Variants in PLCG2 observed in about 807,000 individuals in gnomAD.
PLCG2 encodes phospholipase C gamma 2, also known as 1-phosphatidylinositol 4,5-bisphosphate phosphodiesterase gamma-2.
PLCG2 carries 69 observed loss-of-function variants against 175.6 expected under a neutral mutation model. The ratio of observed to expected loss-of-function variants is 0.39; its 90% CI spans 0.32 to 0.48. PLCG2 has a LOEUF of 0.48. PLCG2 is among the 20% of genes least tolerant of loss of function. PLCG2 has a pLI of 0.91. For missense variants in PLCG2, 1,798 were observed against 1,650.9 expected (o/e 1.09, Z -1.54); for synonymous variants, 827 against 624.0 (o/e 1.33, Z -4.85).
chr16:81,783,833 T>C (rs1374010812), intron 1 of PLCG2, among the ~76,000 whole-genome samples: 1 of 62,574 alleles, frequency 1.6e-5, no homozygotes, highest in African/African-American at 5.2e-5. Flanking sequence ...CTCAGCAGGG[T>C]TTTTTTTTAG....
At chr16:81,773,809 T>C (rs191461278) in intron 2 of PLCG2, among the ~76,000 whole-genome samples, 138 of 152,250 alleles carry the variant, frequency 9.1e-4, no homozygotes, top group African/African-American at 3.2e-3. Flanking sequence ...CTGCAAATGC[T>C]GTGCAGAGCT....
intron 5 of PLCG2, among the ~76,000 whole-genome samples, chr16:81,863,075 C>T (rs928137099): frequency 3.9e-5 from 6 of 152,048 alleles, no homozygotes; most frequent in South Asian, 2.1e-4. Context: ...TCATTTTAAC[C>T]GTTCTTAGAT....
At chr16:81,813,604 A>C (rs113963924) in intron 2 of PLCG2, among the ~76,000 whole-genome samples, 98 of 152,362 alleles carry the variant, frequency 6.4e-4, no homozygotes, top group African/African-American at 2.3e-3. Flanking sequence ...TAAAACAACA[A>C]TTCTGTGGGT....
chr16:81,796,699 G>C (rs1200288294), intron 2 of PLCG2, among the ~76,000 whole-genome samples: 2 of 152,158 alleles, frequency 1.3e-5, no homozygotes, highest in Admixed American at 6.5e-5. Flanking sequence ...AGAGGAGAGA[G>C]AGACACAGGG....
intron 31 of PLCG2, among the ~76,000 whole-genome samples, chr16:81,950,732 A>C (rs1277802742): frequency 6.6e-6 from 1 of 152,238 alleles, no homozygotes; most frequent in Non-Finnish European, 1.5e-5. Flanking sequence ...TGAAGATAAT[A>C]ATTTTCTAAA....
At chr16:81,779,591 C>T (rs2143144226) in intron 1 of PLCG2, among the ~76,000 whole-genome samples, 167 bp downstream of exon 1, 1 of 152,150 alleles carries the variant, frequency 6.6e-6, no homozygotes, top group Non-Finnish European at 1.5e-5. Flanking sequence ...TGCCCGGGGT[C>T]CGTTTGGTGA....
chr16:81,800,922 A>T (rs1911691183), intron 2 of PLCG2, among the ~76,000 whole-genome samples: 1 of 152,150 alleles, frequency 6.6e-6, no homozygotes, highest in African/African-American at 2.4e-5. Flanking sequence ...GTGAGACTGG[A>T]AGATGGCACC....
At chr16:81,829,588 A>C (rs1367766579) in intron 2 of PLCG2, among the ~76,000 whole-genome samples, 2 of 152,246 alleles carry the variant, frequency 1.3e-5, no homozygotes, top group Non-Finnish European at 2.9e-5. Context: ...CATCGCTATC[A>C]AAGTTCCAGA....
intron 2 of PLCG2, among the ~76,000 whole-genome samples, chr16:81,820,328 A>C (rs530857716): frequency 1.3e-5 from 2 of 151,314 alleles, no homozygotes; most frequent in South Asian, 4.2e-4. Context: ...CCTCCCCAGC[A>C]TGCACACTCC....
chr16:81,857,382 C>T (rs1906738876), intron 3 of PLCG2, among the ~76,000 whole-genome samples: 1 of 152,158 alleles, frequency 6.6e-6, no homozygotes. Context: ...ATAATGGATT[C>T]TTGTTTAAAA....
chr16:81,902,920 G>A (rs759961544), intron 14 of PLCG2, among the ~76,000 whole-genome samples: 1 of 152,178 alleles, frequency 6.6e-6, no homozygotes, highest in Non-Finnish European at 1.5e-5. Flanking sequence ...GATCTCATGA[G>A]ATGTGTTCAC....
chr16:81,865,683 C>G (rs928650266), intron 5 of PLCG2, among the ~76,000 whole-genome samples: 5 of 152,140 alleles, frequency 3.3e-5, no homozygotes, highest in Non-Finnish European at 7.4e-5. Flanking sequence ...CCAGGATGGG[C>G]TCCACTGGGG....
At chr16:81,924,704 T>C (rs1910191731) in intron 22 of PLCG2, among the ~76,000 whole-genome samples, 1 of 152,242 alleles carries the variant, frequency 6.6e-6, no homozygotes, top group Non-Finnish European at 1.5e-5. Flanking sequence ...AATTCATACC[T>C]AGATTCCACA....
Position 81,936,246 on chromosome 16 carries a change from C to G in PLCG2, c.2920C>G (p.Leu974Val), listed in dbSNP as rs1239554317. The change falls in exon 27 of 33, where the codon CTC becomes GTC. Residue 974 changes from leucine to valine, a missense_variant. Coordinates refer to ENST00000564138, the MANE Select transcript of PLCG2 (RefSeq NM_002661.5). ...DSIIRQKPVDLLKYNQKGLTR... is the reference protein window; with the variant it reads ...DSIIRQKPVDVLKYNQKGLTR... Reference sequence around the variant, plus strand: ...CATCATCAGACAGAAGCCCGTCGACCTCCTGAAGTACAATCAAAAGGGCCT... The same window carrying G: ...CATCATCAGACAGAAGCCCGTCGACGTCCTGAAGTACAATCAAAAGGGCCT... 1 of 1,614,160 alleles carries G rather than the reference C, an allele frequency of 6.2e-7. No individual in the cohort carries two copies. Among genetic ancestry groups the G allele is most frequent in the Non-Finnish European group, 8.5e-7 (1 of 1,180,024 alleles).
At chr16:81,847,118 A>G (rs1906161568) in intron 2 of PLCG2, among the ~76,000 whole-genome samples, 1 of 152,158 alleles carries the variant, frequency 6.6e-6, no homozygotes, top group Non-Finnish European at 1.5e-5. Context: ...CCAATAACCC[A>G]CTCCTTGGAT....
chr16:81,772,504 A>G (rs1286627001), intron 2 of PLCG2, among the ~76,000 whole-genome samples: 2 of 152,094 alleles, frequency 1.3e-5, no homozygotes, highest in Non-Finnish European at 2.9e-5. Flanking sequence ...ATAAGGGCTC[A>G]GTGTTTGTCC....
chr16:81,745,396 C>G (rs1320030217), intron 1 of PLCG2, among the ~76,000 whole-genome samples: 1 of 152,168 alleles, frequency 6.6e-6, no homozygotes, highest in African/African-American at 2.4e-5. Context: ...TTTGACCATC[C>G]TCTGCCTTTC....
chr16:81,850,731 G>A (rs7201604), intron 2 of PLCG2, among the ~76,000 whole-genome samples: 53,225 of 151,936 alleles, frequency 0.35, 9,648 homozygotes, highest in Middle Eastern at 0.47. Context: ...CCTGCACAGT[G>A]TAACAGCATA....
In PLCG2 at chr16:81,742,064, C is replaced by T. The variant is rs1463529932; in HGVS notation, c.-145+2679C>T. ...CCTCCCCTTCCCAGCCTCCAGTATT[C>T]AAAATTCTACTCGCTTCCTCCATGT... On this transcript the variant is annotated intron_variant, in intron 1 of 5. Transcript: ENST00000565054. Among the ~76,000 whole-genome samples the T allele has an allele frequency of 4.2e-5, 6 of 143,718 alleles. No individual in the cohort carries two copies. The Admixed American group carries it at 4.4e-4, about 11-fold the overall frequency. The allele number at this position is 143,718 out of a possible 152,430, so 94.3% of individuals were successfully genotyped here. A position where few individuals can be genotyped will look rare whatever the true frequency, so the allele number is the denominator to read the frequency against.
Sources: gnomAD v4.1 joint callset for allele counts (sites outside exome capture counted in the v4.1 genomes callset) on GRCh38, gnomAD v4.1.1 for gene constraint, MANE v1.5 for transcripts, NCBI Gene and HGNC (gene_info 2026-07-23, HGNC 2026-07-21) for gene names.